The following XXYLT1 variants were observed in gnomAD, a reference collection of about 807,000 sequenced individuals.
The protein encoded by XXYLT1 is xyloside xylosyltransferase 1, also known as UDP-xylose:alpha-xyloside alpha-1,3-xylosyltransferase.
XXYLT1 carries 20 observed loss-of-function variants against 28.9 expected under a neutral mutation model. That is an observed-to-expected ratio of 0.69 (90% confidence interval 0.49 to 1.00). XXYLT1 has a LOEUF of 1.00. Ranked by LOEUF, XXYLT1 falls within the 50% of genes least tolerant of loss-of-function variation. The pLI is 0.00. For synonymous variants in XXYLT1, 257 were observed against 253.8 expected, an observed-to-expected ratio of 1.01 and a Z score of -0.12; for missense variants, 542 against 560.1, an observed-to-expected ratio of 0.97 and a Z score of 0.33.
rs754828918 is a variant in XXYLT1 at position 195,129,722 on chromosome 3, C to T, written c.785+26727G>A. On this transcript the variant is annotated intron_variant, in intron 3 of 3. Transcript: ENST00000310380. The surrounding 1 kb of genome is among the most constrained non-coding windows in gnomAD (Gnocchi z 4.4). ...TGCGGGCGTATGTTTTCAGTTCTCT[C>T]GGGCATTTGGTGATTTCCACCGTTT... is the stretch of plus-strand genomic sequence containing the variant. Among the ~76,000 whole-genome samples the T allele has an allele frequency of 6.6e-6, 1 of 152,094 alleles. No homozygotes were observed. Among genetic ancestry groups the T allele is most frequent in the Non-Finnish European group, 1.5e-5 (1 of 67,998 alleles).
At chr3:195,146,344 G>A (rs983807589) in intron 3 of XXYLT1, among the ~76,000 whole-genome samples, 1 of 152,202 alleles carries the variant, frequency 6.6e-6, no homozygotes. Flanking sequence ...TACAAATAAG[G>A]TTCTTTCAAT....
intron 2 of XXYLT1, among the ~76,000 whole-genome samples, chr3:195,172,474 T>C (rs1721457546): frequency 6.6e-6 from 1 of 152,216 alleles, no homozygotes; most frequent in Non-Finnish European, 1.5e-5. Context: ...AACAACACAC[T>C]GCAAAGTTCT....
At chr3:195,125,890 G>A (rs999246812) in intron 3 of XXYLT1, among the ~76,000 whole-genome samples, 5 of 152,052 alleles carry the variant, frequency 3.3e-5, no homozygotes, top group Admixed American at 6.6e-5. Context: ...CCAGAACCCC[G>A]CCCAGACAAC....
At chr3:195,179,641 C>T (rs1721850328) in intron 2 of XXYLT1, among the ~76,000 whole-genome samples, 2 of 152,044 alleles carry the variant, frequency 1.3e-5, no homozygotes, top group South Asian at 4.2e-4. Context: ...TGTAAGTCCA[C>T]TAGTCAATTC....
intron 1 of XXYLT1, among the ~76,000 whole-genome samples, chr3:195,254,212 T>C (rs1252361921): frequency 6.6e-6 from 1 of 152,232 alleles, no homozygotes; most frequent in Non-Finnish European, 1.5e-5. Flanking sequence ...CCCCAGGGCC[T>C]GGGACCAAAG....
intron 2 of XXYLT1, among the ~76,000 whole-genome samples, chr3:195,208,880 G>T (rs1412943925): frequency 6.6e-6 from 1 of 152,162 alleles, no homozygotes; most frequent in East Asian, 1.9e-4. Flanking sequence ...CTTGCAAGAG[G>T]AGTTTCCTTG....
rs762016868 is a variant in XXYLT1 at position 195,209,657 on chromosome 3, G to C, written c.652+17052C>G. 6.6e-6 allele frequency: 1 copy of C among 152,468 alleles called. No homozygotes were observed. The highest frequency in any genetic ancestry group is 2.4e-5 in the African/African-American group (1 of 41,364). 9.4% of individuals were successfully genotyped at this position (152,468 alleles called of 1,614,324 possible). A position where few individuals can be genotyped will look rare whatever the true frequency, so the allele number is the denominator to read the frequency against. The stretch of plus-strand genomic sequence containing the variant: ...CGGCAGAGTGTGGGTCTGAACCAGA[G>C]AAAAAGGCTGCAGCACAGGAGGGAT... On this transcript the variant is annotated intron_variant, in intron 2 of 3. Coordinates refer to ENST00000310380, the MANE Select transcript of XXYLT1 (RefSeq NM_152531.5). This position sits in a 1 kb window ranked among gnomAD's most constrained non-coding sequence, Gnocchi z 5.0.
intron 1 of XXYLT1, among the ~76,000 whole-genome samples, chr3:195,233,108 C>T (rs1179546919): frequency 6.6e-6 from 1 of 150,838 alleles, no homozygotes; most frequent in Non-Finnish European, 1.5e-5. Flanking sequence ...TGAATTGACC[C>T]CTTTATCATT....
chr3:195,216,645 G>A (rs1318435001), intron 2 of XXYLT1, among the ~76,000 whole-genome samples: 2 of 150,208 alleles, frequency 1.3e-5, no homozygotes, highest in East Asian at 3.9e-4. Flanking sequence ...ACCAATAACA[G>A]GAGCTGAAAT....
In XXYLT1 at chr3:195,187,719, G is replaced by C. The variant is rs368632239; in HGVS notation, c.653-31138C>G. Among the ~76,000 whole-genome samples the C allele has an allele frequency of 1.2e-4, 19 of 152,344 alleles. No individual in the cohort carries two copies. In the East Asian group the frequency reaches 2.1e-3, roughly 17 times the overall value. On this transcript the variant is annotated intron_variant, in intron 2 of 3. Coordinates refer to ENST00000310380, the MANE Select transcript of XXYLT1 (RefSeq NM_152531.5). ...TTGAAACTTTTTTCATTTGCAGCTA[G>C]AAGTGAATGATTCAGGCTGCATTCC...
intron 2 of XXYLT1, among the ~76,000 whole-genome samples, chr3:195,163,653 G>A (rs1043658006): frequency 6.6e-6 from 1 of 152,202 alleles, no homozygotes; most frequent in Non-Finnish European, 1.5e-5. Context: ...ATGTGGACTG[G>A]GTTTAACTGC....
At chr3:195,105,455 CTCG>C (rs1717030980) in intron 3 of XXYLT1, among the ~76,000 whole-genome samples, 1 of 152,248 alleles carries the variant, frequency 6.6e-6, no homozygotes, top group African/African-American at 2.4e-5. Context: ...GTATCATCAT[CTCG>C]TCTGACTTAC....
chr3:195,093,981 G>C (rs1716266876), intron 3 of XXYLT1: 1 of 153,420 alleles, frequency 6.5e-6, no homozygotes, highest in Admixed American at 6.5e-5. Flanking sequence ...GCCTGGTGCA[G>C]TCAAGGGGAG....
intron 3 of XXYLT1, among the ~76,000 whole-genome samples, chr3:195,126,403 T>C (rs1231163436): frequency 6.6e-6 from 1 of 152,246 alleles, no homozygotes. Flanking sequence ...CATTCATTCA[T>C]TCACTCATTT....
At chr3:195,164,856 G>A (rs778564866) in intron 2 of XXYLT1, among the ~76,000 whole-genome samples, 6 of 152,154 alleles carry the variant, frequency 3.9e-5, no homozygotes, top group Non-Finnish European at 8.8e-5. Context: ...ATTAGTTAGT[G>A]CTGAAGTGCA....
chr3:195,224,509 C>T (rs189434290), intron 2 of XXYLT1, among the ~76,000 whole-genome samples: 289 of 152,336 alleles, frequency 1.9e-3, no homozygotes, highest in African/African-American at 6.8e-3. Context: ...TCATCGGTCC[C>T]TGCACAATTC....
chr3:195,224,621 C>T (rs1428914220), intron 2 of XXYLT1, among the ~76,000 whole-genome samples: 1 of 152,190 alleles, frequency 6.6e-6, no homozygotes, highest in East Asian at 1.9e-4. Context: ...CACAGCATAA[C>T]CCAGCCCAGA....
In XXYLT1 at chr3:195,077,588, G is replaced by A. The variant is rs2108643106; in HGVS notation, c.786-7477C>T. On this transcript the variant is annotated intron_variant, in intron 3 of 3. Coordinates refer to ENST00000310380, the MANE Select transcript of XXYLT1 (RefSeq NM_152531.5). The surrounding 1 kb of genome is among the most constrained non-coding windows in gnomAD (Gnocchi z 4.8). ...CCATAGTGTCAGTCTCGTTCCCAAA[G>A]CTGTACCAGCTATGACCAGCCCATC... Among the ~76,000 whole-genome samples the A allele has an allele frequency of 6.6e-6, 1 of 152,296 alleles. No individual in the cohort carries two copies. Among genetic ancestry groups the A allele is most frequent in the Middle Eastern group, 3.4e-3 (1 of 294 alleles).
At chr3:195,244,896 T>G (rs1317699019) in intron 1 of XXYLT1, among the ~76,000 whole-genome samples, 2 of 140,934 alleles carry the variant, frequency 1.4e-5, no homozygotes, top group Non-Finnish European at 1.5e-5. Flanking sequence ...CCGGGTGCGG[T>G]GGCTCACGCC....
Sources: gnomAD v4.1 joint callset for allele counts (sites outside exome capture counted in the v4.1 genomes callset) on GRCh38, gnomAD v4.1.1 for gene constraint, Gnocchi (gnomAD v3.1) non-coding constraint, MANE v1.5 for transcripts, NCBI Gene and HGNC (gene_info 2026-07-23, HGNC 2026-07-21) for gene names.